PLS1: variants seen among roughly 807,000 people sequenced by gnomAD.
PLS1 encodes plastin 1.
Under a neutral mutation model 73.7 loss-of-function variants are expected in PLS1, and 32 were observed. That is an observed-to-expected ratio of 0.43 (90% confidence interval 0.33 to 0.58). The LOEUF is 0.58. Among genes scored for constraint, PLS1 ranks in the 20% least tolerant of loss-of-function variants. The pLI is 0.04. For missense variants in PLS1, 633 were observed against 740.5 expected, an observed-to-expected ratio of 0.85 and a Z score of 1.68; for synonymous variants, 217 against 261.3, an observed-to-expected ratio of 0.83 and a Z score of 1.63.
At chr3:142,660,271 A>G (rs1285070228) in intron 1 of PLS1, among the ~76,000 whole-genome samples, 5 of 152,212 alleles carry the variant, frequency 3.3e-5, no homozygotes, top group Non-Finnish European at 7.3e-5. Context: ...TACAGCTGAT[A>G]CCATCACTCT....
intron 12 of PLS1, 67 bp downstream of exon 12, chr3:142,698,134 C>T (rs2038250367): frequency 1.0e-6 from 1 of 958,602 alleles, no homozygotes; most frequent in Non-Finnish European, 1.7e-6. Context: ...TTTAGAGTTT[C>T]ATGAAGTTAT....
In PLS1 at chr3:142,686,333, G is replaced by A; in HGVS notation, c.938G>A (p.Gly313Glu). 1 of 1,611,880 alleles carries A rather than the reference G, an allele frequency of 6.2e-7. No homozygotes were observed. The highest frequency in any genetic ancestry group is 8.5e-7 in the Non-Finnish European group (1 of 1,178,034). The change falls in exon 9 of 16, where the codon GGG (glycine) becomes GAG (glutamate). Residue 313 changes from glycine (G) to glutamate (E), a missense_variant. Gly to Glu is a moderately conservative substitution (Grantham distance 98, BLOSUM62 -2). Transcript: ENST00000457734. ...CTTAATCAGATTGCCCCTAAAGGTG[G>A]GGAAGATGGACCTGCCATTGCCATT... ...HLLNQIAPKGGEDGPAIAIDL... is the reference protein window; with the variant it reads ...HLLNQIAPKGEEDGPAIAIDL...
chr3:142,696,452 C>T (rs1183316949), intron 11 of PLS1, among the ~76,000 whole-genome samples: 1 of 152,020 alleles, frequency 6.6e-6, no homozygotes, highest in African/African-American at 2.4e-5. Context: ...AATAGGTGGA[C>T]ATCTAGTTGA....
intron 1 of PLS1, among the ~76,000 whole-genome samples, chr3:142,616,541 C>T (rs1468298450): frequency 6.6e-6 from 1 of 152,086 alleles, no homozygotes; most frequent in Non-Finnish European, 1.5e-5. Context: ...GACTGCAGTA[C>T]TATTTGCTTT....
Position 142,711,598 on chromosome 3 carries a change from C to T in PLS1, c.1727C>T (p.Ser576Phe). Residue 576 changes from serine (S) to phenylalanine (F), a missense_variant, in exon 15 of 16, where the codon TCT becomes TTT. Physicochemically the swap from Ser to Phe is radical, Grantham distance 155. Transcript: ENST00000457734. Reference sequence around the variant, plus strand: ...GAAATGATCAGGAGAGAAAACTTATCTGATGAGGACAAGCTGAACAATGCT... The same window carrying T: ...GAAATGATCAGGAGAGAAAACTTATTTGATGAGGACAAGCTGAACAATGCT... ...RQEMIRRENLSDEDKLNNAKY... is the reference protein window; with the variant it reads ...RQEMIRRENLFDEDKLNNAKY... The T allele has an allele frequency of 1.2e-6, 2 of 1,608,436 alleles. No homozygotes were observed. The highest frequency in any genetic ancestry group is 1.7e-6 in the Non-Finnish European group (2 of 1,175,824).
chr3:142,654,096 C>G (rs959847043), intron 1 of PLS1, among the ~76,000 whole-genome samples: 14 of 152,138 alleles, frequency 9.2e-5, no homozygotes, highest in African/African-American at 3.4e-4. Context: ...TGAAGGCCAT[C>G]CCAAATTGCA....
intron 1 of PLS1, among the ~76,000 whole-genome samples, chr3:142,607,993 T>A (rs2108542533): frequency 6.6e-6 from 1 of 152,284 alleles, no homozygotes; most frequent in African/African-American, 2.4e-5. Flanking sequence ...TTAATTTATT[T>A]TTATTTTTAA....
At chr3:142,630,938 A>AACACACACACACACACACACACAC (rs140962182) in intron 1 of PLS1, among the ~76,000 whole-genome samples, 1,803 of 137,338 alleles carry the variant, frequency 0.013, 67 homozygotes, top group African/African-American at 0.048. Context: ...CATGTAAATA[A>AACACACACACACACACACACACAC]ACACACACAC....
intron 10 of PLS1, among the ~76,000 whole-genome samples, chr3:142,690,562 T>C (rs2038065113): frequency 6.6e-6 from 1 of 152,226 alleles, no homozygotes; most frequent in South Asian, 2.1e-4. Flanking sequence ...AATGATGGGA[T>C]ATTGTAGTTG....
chr3:142,619,563 T>C (rs1577782776), intron 1 of PLS1: 1 of 152,254 alleles, frequency 6.6e-6, no homozygotes, highest in Non-Finnish European at 1.5e-5. Flanking sequence ...AAGGCTGTTT[T>C]TGAGTTCTTC....
At chr3:142,674,625 T>C (rs2037680421) in intron 4 of PLS1, among the ~76,000 whole-genome samples, 1 of 152,232 alleles carries the variant, frequency 6.6e-6, no homozygotes, top group South Asian at 2.1e-4. Context: ...CAAAATTTTC[T>C]ACTTAAGATC....
At chr3:142,693,891 AC>A (rs1223098304) in intron 10 of PLS1, among the ~76,000 whole-genome samples, 4 of 152,112 alleles carry the variant, frequency 2.6e-5, no homozygotes, top group African/African-American at 9.7e-5. Context: ...GATAATCTAA[AC>A]TAACTCAGGA....
At chr3:142,658,519 C>A (rs1377061294) in intron 1 of PLS1, among the ~76,000 whole-genome samples, 4 of 151,492 alleles carry the variant, frequency 2.6e-5, no homozygotes, top group Non-Finnish European at 5.9e-5. Context: ...CCCTACCCTG[C>A]AAGCCCTGCT....
intron 11 of PLS1, among the ~76,000 whole-genome samples, chr3:142,696,444 T>C (rs1008347841): frequency 4.6e-5 from 7 of 152,118 alleles, no homozygotes; most frequent in Non-Finnish European, 7.4e-5. Flanking sequence ...AGAAGAACAA[T>C]AGGTGGACAT....
chr3:142,659,783 G>A (rs767911592), intron 1 of PLS1, among the ~76,000 whole-genome samples: 2 of 151,236 alleles, frequency 1.3e-5, no homozygotes, highest in Non-Finnish European at 2.9e-5. Flanking sequence ...TGTAACCTCC[G>A]CCTCTTGGGT....
intron 1 of PLS1, among the ~76,000 whole-genome samples, chr3:142,619,065 C>G (rs763012465): frequency 6.6e-5 from 10 of 152,114 alleles, no homozygotes; most frequent in African/African-American, 2.4e-4. Flanking sequence ...TGTTGATGTA[C>G]ATGAGAAAAT....
chr3:142,616,343 A>T (rs1384083749), intron 1 of PLS1, among the ~76,000 whole-genome samples: 1 of 152,238 alleles, frequency 6.6e-6, no homozygotes, highest in Non-Finnish European at 1.5e-5. Context: ...AAAAAGAATG[A>T]TGGAGGAAGG....
intron 1 of PLS1, among the ~76,000 whole-genome samples, chr3:142,622,526 C>G (rs1577787113): frequency 6.6e-6 from 1 of 151,982 alleles, no homozygotes. Context: ...AAAAAAAAAA[C>G]TGGCTTATAA....
intron 1 of PLS1, chr3:142,627,672 C>G (rs2036458350): frequency 6.6e-6 from 1 of 152,366 alleles, no homozygotes; most frequent in African/African-American, 2.4e-5. Flanking sequence ...GCTCTGTCAC[C>G]CAGGCTGGAG....
Sources: allele counts gnomAD v4.1 joint callset (sites outside exome capture counted in the v4.1 genomes callset), GRCh38; gene constraint gnomAD v4.1.1; transcripts MANE v1.5; gene names NCBI Gene and HGNC (gene_info 2026-07-23, HGNC 2026-07-21).